GRM3: variants seen among roughly 807,000 people sequenced by gnomAD.
The protein encoded by GRM3 is metabotropic glutamate receptor 3.
In GRM3, 26 loss-of-function variants were observed where a neutral mutation model predicts 70.5. The ratio of observed to expected loss-of-function variants is 0.37; its 90% CI spans 0.27 to 0.51. The LOEUF is 0.51. Among genes scored for constraint, GRM3 ranks in the 20% least tolerant of loss-of-function variants. The pLI is 0.93. For synonymous variants in GRM3, 443 were observed against 434.9 expected (o/e 1.02, Z -0.23); for missense variants, 859 against 1,123.8 (o/e 0.76, Z 3.37).
intron 1 of GRM3, among the ~76,000 whole-genome samples, chr7:86,651,825 A>C (rs1165608065): frequency 6.6e-6 from 1 of 152,212 alleles, no homozygotes; most frequent in Admixed American, 6.5e-5. Context: ...GGAATGCCAA[A>C]AGTCCCACTT....
Position 86,699,213 on chromosome 7 carries a change from A to G in GRM3, c.-141+54341A>G, listed in dbSNP as rs145044854. 3.9e-3 allele frequency among the ~76,000 whole-genome samples: 601 copies of G among 152,194 alleles called. 3 individuals carry two copies. The highest frequency in any genetic ancestry group is 0.014 in the African/African-American group (562 of 41,560). On this transcript the variant is annotated intron_variant, in intron 1 of 5. Transcript: ENST00000361669. Reference sequence around the variant, plus strand: ...AAATCGGATCAACTACCTTAATAAAATAAATTCTCTCAATTTATTTGAATA... The same window carrying G: ...AAATCGGATCAACTACCTTAATAAAGTAAATTCTCTCAATTTATTTGAATA...
chr7:86,657,302 G>A (rs922025427), intron 1 of GRM3, among the ~76,000 whole-genome samples: 2 of 152,160 alleles, frequency 1.3e-5, no homozygotes, highest in Admixed American at 6.6e-5. Context: ...ATGTGCATGT[G>A]TACCTACAGT....
rs558190918 is a variant in GRM3, at chr7:86,763,296, T to A, written c.-140-1710T>A. 2.0e-5 allele frequency among the ~76,000 whole-genome samples: 3 copies of A among 152,252 alleles called. No individual in the cohort carries two copies. The South Asian group carries it at 6.2e-4, about 32-fold the overall frequency. ...ACTAGAACACACAAGGGCATGTGGCTGCAACCTGTCAGAAGAATGCTCCAG... is the reference window on the plus strand; with the variant it reads ...ACTAGAACACACAAGGGCATGTGGCAGCAACCTGTCAGAAGAATGCTCCAG... On this transcript the variant is annotated intron_variant, in intron 1 of 5. Coordinates refer to ENST00000361669, the MANE Select transcript of GRM3 (RefSeq NM_000840.3).
intron 4 of GRM3, 63 bp from the exon 5 acceptor site, chr7:86,850,307 T>C (rs1344185559): frequency 8.6e-7 from 1 of 1,156,558 alleles, no homozygotes; most frequent in Non-Finnish European, 1.3e-6. Flanking sequence ...TTCAGCACTC[T>C]CTTTAGTTGG....
chr7:86,693,616 C>T (rs1794743995), intron 1 of GRM3, among the ~76,000 whole-genome samples: 2 of 152,136 alleles, frequency 1.3e-5, no homozygotes, highest in African/African-American at 4.8e-5. Context: ...ATGGAGACAA[C>T]ATTCTTATGT....
chr7:86,719,596 T>C (rs1795406522), intron 1 of GRM3, among the ~76,000 whole-genome samples: 1 of 152,030 alleles, frequency 6.6e-6, no homozygotes, highest in Admixed American at 6.6e-5. Context: ...AACTTGAGAA[T>C]AAATCATAAA....
chr7:86,766,732 A>G (rs1796609298), intron 2 of GRM3, among the ~76,000 whole-genome samples: 1 of 152,208 alleles, frequency 6.6e-6, no homozygotes, highest in African/African-American at 2.4e-5. Context: ...TGTCACAGTA[A>G]TAAAAGTCCA....
intron 3 of GRM3, among the ~76,000 whole-genome samples, chr7:86,798,236 AT>A (rs1324044785): frequency 6.6e-6 from 1 of 152,070 alleles, no homozygotes; most frequent in Non-Finnish European, 1.5e-5. Flanking sequence ...AGGATGGTAG[AT>A]CTACCTACAG....
At chr7:86,836,494 T>C (rs1230096807) in intron 3 of GRM3, among the ~76,000 whole-genome samples, 3 of 152,156 alleles carry the variant, frequency 2.0e-5, no homozygotes, top group African/African-American at 7.2e-5. Context: ...AAAATATACA[T>C]TACAAAACAA....
chr7:86,644,706 A>G lies in GRM3; in HGVS notation c.-307A>G, dbSNP rs1584133744. On this transcript the variant is annotated 5_prime_UTR_variant, in exon 1 of 6. Coordinates refer to ENST00000361669, the MANE Select transcript of GRM3 (RefSeq NM_000840.3). The stretch of plus-strand genomic sequence containing the variant: ...CTGCGCGCACAAGTTGGCCATTTCG[A>G]GGGCAAAATAAGTTCTCCCTTGGAT... The G allele has an allele frequency of 1.0e-6, 1 of 993,236 alleles. No homozygotes were observed. Among genetic ancestry groups the G allele is most frequent in the Non-Finnish European group, 1.4e-6 (1 of 721,660 alleles). The allele number at this position is 993,236 out of a possible 1,614,324, so 61.5% of individuals were successfully genotyped here.
chr7:86,650,230 A>G (rs1793571725), intron 1 of GRM3, among the ~76,000 whole-genome samples: 1 of 152,192 alleles, frequency 6.6e-6, no homozygotes, highest in African/African-American at 2.4e-5. Context: ...ATGGAGGCCC[A>G]GCAAGATAAA....
intron 1 of GRM3, among the ~76,000 whole-genome samples, chr7:86,711,774 T>C (rs905004643): frequency 1.3e-5 from 2 of 152,200 alleles, no homozygotes; most frequent in Admixed American, 6.5e-5. Flanking sequence ...TTTTTCCACC[T>C]ACCTCCATTA....
At chr7:86,829,489 T>A (rs1798307097) in intron 3 of GRM3, among the ~76,000 whole-genome samples, 2 of 152,240 alleles carry the variant, frequency 1.3e-5, no homozygotes, top group South Asian at 4.1e-4. Context: ...CTAAGCTTAA[T>A]CGTCTCTAGC....
intron 1 of GRM3, among the ~76,000 whole-genome samples, chr7:86,677,488 G>T (rs753147801): frequency 4.0e-5 from 6 of 151,874 alleles, no homozygotes; most frequent in Non-Finnish European, 5.9e-5. Context: ...AGCATATTTG[G>T]TCACCAAACC....
In GRM3 at chr7:86,807,195, GT is replaced by G. The variant is rs1797811041; in HGVS notation, c.1324+20081del. On this transcript the variant is annotated intron_variant, in intron 3 of 5. Coordinates refer to ENST00000361669, the MANE Select transcript of GRM3 (RefSeq NM_000840.3). ...CAGGTAGCATGATGCCTCCAGCTTT[GT>G]TCTTTTTGATTAGGATTGACTGCAA... is the stretch of plus-strand genomic sequence containing the variant. 3.0e-5 allele frequency among the ~76,000 whole-genome samples: 2 copies of G among 67,310 alleles called. 1 individual carries two copies. Among genetic ancestry groups the G allele is most frequent in the South Asian group, 6.5e-4 (2 of 3,064 alleles). 44.2% of individuals were successfully genotyped at this position (67,310 alleles called of 152,430 possible). A position where few individuals can be genotyped will look rare whatever the true frequency, so the allele number is the denominator to read the frequency against.
Position 86,748,133 on chromosome 7 carries a change from C to T in GRM3, c.-140-16873C>T, listed in dbSNP as rs140635043. On this transcript the variant is annotated intron_variant, in intron 1 of 5. Coordinates refer to ENST00000361669, the MANE Select transcript of GRM3 (RefSeq NM_000840.3). ...GATATACCTATTATTTCGCTTTTTGCTTTTGTTTTAATCTTTCACCTTTTC... is the reference window on the plus strand; with the variant it reads ...GATATACCTATTATTTCGCTTTTTGTTTTTGTTTTAATCTTTCACCTTTTC... Among the ~76,000 whole-genome samples, 515 of 152,044 alleles carry T rather than the reference C, an allele frequency of 3.4e-3. 4 individuals carry two copies. Among genetic ancestry groups the T allele is most frequent in the African/African-American group, 0.011 (476 of 41,516 alleles).
At chr7:86,653,361 A>G (rs956295751) in intron 1 of GRM3, among the ~76,000 whole-genome samples, 3 of 152,366 alleles carry the variant, frequency 2.0e-5, no homozygotes, top group African/African-American at 7.2e-5. Flanking sequence ...TTACATGTAG[A>G]ATGATGGTCA....
chr7:86,725,680 G>A (rs1795576288), intron 1 of GRM3, among the ~76,000 whole-genome samples: 3 of 152,130 alleles, frequency 2.0e-5, no homozygotes, highest in Admixed American at 2.0e-4. Flanking sequence ...CCTCCTTTTG[G>A]ATGGAAAACT....
intron 3 of GRM3, among the ~76,000 whole-genome samples, chr7:86,836,682 T>C (rs1465725136): frequency 6.6e-6 from 1 of 152,200 alleles, no homozygotes; most frequent in Non-Finnish European, 1.5e-5. Flanking sequence ...TGAGCAGCTT[T>C]CCTTTTTCAT....
Sources: allele counts gnomAD v4.1 joint callset (sites outside exome capture counted in the v4.1 genomes callset), GRCh38; gene constraint gnomAD v4.1.1; transcripts MANE v1.5; gene names NCBI Gene and HGNC (gene_info 2026-07-23, HGNC 2026-07-21).